The following RAP1GAP2 variants were observed in gnomAD, a reference collection of about 807,000 sequenced individuals.
RAP1GAP2 encodes the protein RAP1 GTPase activating protein 2, also known as rap1 GTPase-activating protein 2.
A neutral mutation model predicts 95.0 loss-of-function variants in RAP1GAP2; 27 were observed. That is an observed-to-expected ratio of 0.28 (90% confidence interval 0.21 to 0.39). The LOEUF (loss-of-function observed/expected upper bound fraction) is 0.39, where lower values mean the gene tolerates loss of function less well. Among genes scored for constraint, RAP1GAP2 ranks in the 10% least tolerant of loss-of-function variants. The pLI is 1.00. For missense variants in RAP1GAP2, 771 were observed against 970.0 expected (o/e 0.79, Z 2.72); for synonymous variants, 373 against 380.9 (o/e 0.98, Z 0.24).
chr17:2,919,004 A>G (rs545221949), intron 3 of RAP1GAP2, among the ~76,000 whole-genome samples: 3 of 152,306 alleles, frequency 2.0e-5, no homozygotes, highest in African/African-American at 7.2e-5. Flanking sequence ...TCTAGGGGGA[A>G]GTACACCAGG....
chr17:2,801,597 ATGTGTGTGTGTGTGTGTGTGTGTGTG>A lies in RAP1GAP2; in HGVS notation c.80+1074_80+1099del, dbSNP rs71150898. Among the ~76,000 whole-genome samples, 79 of 121,862 alleles carry A rather than the reference ATGTGTGTGTGTGTGTGTGTGTGTGTG, an allele frequency of 6.5e-4. 1 individual carries two copies. Among genetic ancestry groups the A allele is most frequent in the Middle Eastern group, 8.4e-3 (2 of 238 alleles). The allele number at this position is 121,862 out of a possible 152,430, so 79.9% of individuals were successfully genotyped here. Reference sequence around the variant, plus strand: ...AGGACCTGACTAAACACTCCAGGGTATGTGTGTGTGTGTGTGTGTGTGTGTGTGTGTGTGTGTGTGTGTGTGTGTGT... The same window carrying A: ...AGGACCTGACTAAACACTCCAGGGTATGTGTGTGTGTGTGTGTGTGTGTGT... On this transcript the variant is annotated intron_variant, in intron 2 of 24. Coordinates refer to ENST00000254695, the MANE Select transcript of RAP1GAP2 (RefSeq NM_015085.5).
upstream of RAP1GAP2, among the ~76,000 whole-genome samples, chr17:2,776,670 C>T (rs1297107132): frequency 6.6e-6 from 1 of 150,444 alleles, no homozygotes; most frequent in Non-Finnish European, 1.5e-5. Flanking sequence ...GACCCTGGAT[C>T]GGCGCGGGCT....
intron 1 of RAP1GAP2, among the ~76,000 whole-genome samples, chr17:2,779,979 G>A (rs1410990221): frequency 6.6e-6 from 1 of 152,066 alleles, no homozygotes; most frequent in African/African-American, 2.4e-5. Context: ...CATTGGGTGA[G>A]GTCTAGCTGG....
At chr17:2,956,501 G>T (rs1049053570) in intron 3 of RAP1GAP2, among the ~76,000 whole-genome samples, 6 of 152,186 alleles carry the variant, frequency 3.9e-5, no homozygotes, top group African/African-American at 1.4e-4. Flanking sequence ...AGAGTGCTTG[G>T]AGGCCCCACC....
chr17:2,801,061 G>C lies in RAP1GAP2; in HGVS notation c.80+511G>C, dbSNP rs149214240. On this transcript the variant is annotated intron_variant, in intron 2 of 24. Coordinates refer to ENST00000254695, the MANE Select transcript of RAP1GAP2 (RefSeq NM_015085.5). ...GACGGAGTTTCACCATGTTGGCCAG[G>C]CTGGTCTCAATCTCTTGACGTCATG... Among the ~76,000 whole-genome samples the C allele has an allele frequency of 5.6e-3, 844 of 151,128 alleles. 3 individuals are homozygous for C. Among genetic ancestry groups the C allele is most frequent in the African/African-American group, 0.019 (786 of 41,302 alleles).
intron 17 of RAP1GAP2, among the ~76,000 whole-genome samples, chr17:3,015,751 A>C (rs1488281711): frequency 6.6e-6 from 1 of 152,016 alleles, no homozygotes; most frequent in East Asian, 1.9e-4. Flanking sequence ...TGGGAAGCGG[A>C]GGATGCTGTG....
chr17:2,808,470 A>T (rs9890608), intron 2 of RAP1GAP2, among the ~76,000 whole-genome samples: 111,987 of 152,052 alleles, frequency 0.74, 41,873 homozygotes, highest in African/African-American at 0.87. Context: ...GAGACCCACC[A>T]TATACCTCCT....
In RAP1GAP2 at chr17:3,035,056, TC is replaced by T. The variant is rs1567927447; in HGVS notation, c.*1699del. The T allele has an allele frequency of 6.6e-6, 1 of 152,206 alleles. No homozygotes were observed. Among genetic ancestry groups the T allele is most frequent in the Non-Finnish European group, 1.5e-5 (1 of 67,974 alleles). The allele number at this position is 152,206 out of a possible 1,614,324, so 9.4% of individuals were successfully genotyped here. A position where few individuals can be genotyped will look rare whatever the true frequency, so the allele number is the denominator to read the frequency against. Reference sequence around the variant, plus strand: ...ATTCAAGCAACATTGTGATCTTTCTTCCCCGCCACGTGTGTGGGAATGATTG... The same window carrying T: ...ATTCAAGCAACATTGTGATCTTTCTTCCCGCCACGTGTGTGGGAATGATTG... On this transcript the variant is annotated 3_prime_UTR_variant, in exon 25 of 25. Coordinates refer to ENST00000254695, the MANE Select transcript of RAP1GAP2 (RefSeq NM_015085.5). This position sits in a 1 kb window ranked among gnomAD's most constrained non-coding sequence, Gnocchi z 4.3.
chr17:2,868,848 C>T (rs2072726932), intron 2 of RAP1GAP2, among the ~76,000 whole-genome samples: 1 of 152,116 alleles, frequency 6.6e-6, no homozygotes, highest in Non-Finnish European at 1.5e-5. Flanking sequence ...TCCACTTTGT[C>T]TGTGTCTGTT....
chr17:3,027,831 G>C lies in RAP1GAP2; in HGVS notation c.2107+761G>C, dbSNP rs973271778. On this transcript the variant is annotated intron_variant, in intron 22 of 24. Coordinates refer to ENST00000254695, the MANE Select transcript of RAP1GAP2 (RefSeq NM_015085.5). This position sits in a 1 kb window ranked among gnomAD's most constrained non-coding sequence, Gnocchi z 5.2. ...AGGGGAGCTGCGGCAGAAGCACCTC[G>C]GTTCAGGAGAGATCAAGGAGGTAAA... Among the ~76,000 whole-genome samples the C allele has an allele frequency of 6.6e-6, 1 of 151,774 alleles. No homozygotes were observed. Among genetic ancestry groups the C allele is most frequent in the African/African-American group, 2.4e-5 (1 of 41,304 alleles).
rs1190625853 is a variant in RAP1GAP2 at position 2,857,968 on chromosome 17, C to T, written c.81-47316C>T. Among the ~76,000 whole-genome samples the T allele has an allele frequency of 6.6e-6, 1 of 152,136 alleles. No homozygotes were observed. Among genetic ancestry groups the T allele is most frequent in the Non-Finnish European group, 1.5e-5 (1 of 68,032 alleles). On this transcript the variant is annotated intron_variant, in intron 2 of 24. Coordinates refer to ENST00000254695, the MANE Select transcript of RAP1GAP2 (RefSeq NM_015085.5). This position sits in a 1 kb window ranked among gnomAD's most constrained non-coding sequence, Gnocchi z 4.0. ...TGCAAAAAGTAGCTGGGTGTGGTGG[C>T]GTGCACCTGTAATCCCAGCTATTCA...
intron 17 of RAP1GAP2, among the ~76,000 whole-genome samples, chr17:3,015,859 T>C (rs899194610): frequency 6.6e-6 from 1 of 150,516 alleles, no homozygotes; most frequent in Non-Finnish European, 1.5e-5. Context: ...GAAGGGAGGT[T>C]GTCCACATGA....
intron 2 of RAP1GAP2, among the ~76,000 whole-genome samples, chr17:2,832,256 G>C (rs1218857039): frequency 7.1e-6 from 1 of 140,468 alleles, no homozygotes; most frequent in Non-Finnish European, 1.5e-5. Flanking sequence ...AAAACAATCA[G>C]AACATTAAAG....
intron 1 of RAP1GAP2, among the ~76,000 whole-genome samples, chr17:2,757,374 A>C (rs1288855151): frequency 6.6e-6 from 1 of 152,156 alleles, no homozygotes; most frequent in Non-Finnish European, 1.5e-5. Flanking sequence ...TACCCACTTC[A>C]GCCTCCCAAA....
At chr17:2,839,280 A>C (rs565902867) in intron 2 of RAP1GAP2, among the ~76,000 whole-genome samples, 1 of 152,236 alleles carries the variant, frequency 6.6e-6, no homozygotes, top group South Asian at 2.1e-4. Context: ...ACTGCACTCC[A>C]GCCTGGGCAA....
At chr17:2,885,621 G>A (rs1420483879) in intron 2 of RAP1GAP2, among the ~76,000 whole-genome samples, 2 of 152,188 alleles carry the variant, frequency 1.3e-5, no homozygotes, top group Non-Finnish European at 2.9e-5. Flanking sequence ...ATCCCACCAC[G>A]TACACTCAGT....
intron 1 of RAP1GAP2, chr17:2,755,861 C>G (rs2071129470): frequency 3.1e-6 from 1 of 326,862 alleles, no homozygotes; most frequent in Non-Finnish European, 5.6e-6. Context: ...CCCAAAGTTT[C>G]GTCCCGGGCT....
intron 17 of RAP1GAP2, among the ~76,000 whole-genome samples, chr17:3,010,906 C>T (rs2046512270): frequency 6.6e-6 from 1 of 151,300 alleles, no homozygotes; most frequent in South Asian, 2.1e-4. Flanking sequence ...CGGTTGTGAC[C>T]AGATTTTTTT....
chr17:2,963,405 T>A lies in RAP1GAP2; in HGVS notation c.247-25T>A, dbSNP rs781015244. 6.2e-7 allele frequency: 1 copy of A among 1,613,308 alleles called. No homozygotes were observed. Among genetic ancestry groups the A allele is most frequent in the Non-Finnish European group, 8.5e-7 (1 of 1,179,672 alleles). ...TTACGGGCACTGCCGGGACTAACGG[T>A]GGCATCATCTGGTTTGTCTTGCAGG... is the stretch of plus-strand genomic sequence containing the variant. On this transcript the variant is annotated intron_variant, in intron 5 of 24. Transcript: ENST00000254695. The surrounding 1 kb of genome is among the most constrained non-coding windows in gnomAD (Gnocchi z 4.8).
Sources: gnomAD v4.1 joint callset for allele counts (sites outside exome capture counted in the v4.1 genomes callset) on GRCh38, gnomAD v4.1.1 for gene constraint, Gnocchi (gnomAD v3.1) non-coding constraint, MANE v1.5 for transcripts, NCBI Gene and HGNC (gene_info 2026-07-23, HGNC 2026-07-21) for gene names.